The following STT3B variants were observed in gnomAD, a reference collection of about 807,000 sequenced individuals.
The protein encoded by STT3B is dolichyl-diphosphooligosaccharide--protein glycosyltransferase subunit STT3B.
Under a neutral mutation model 96.8 loss-of-function variants are expected in STT3B, and 29 were observed. The ratio of observed to expected loss-of-function variants is 0.30; its 90% CI spans 0.22 to 0.41. The LOEUF is 0.41. STT3B is among the 10% of genes least tolerant of loss of function. The pLI is 1.00. For synonymous variants in STT3B, 367 were observed against 360.0 expected (o/e 1.02, Z -0.22); for missense variants, 640 against 1,022.3 (o/e 0.63, Z 5.10).
chr3:31,583,673 A>G (rs574926900), intron 3 of STT3B, among the ~76,000 whole-genome samples: 1 of 152,332 alleles, frequency 6.6e-6, no homozygotes, highest in African/African-American at 2.4e-5. Flanking sequence ...TCTTTCTGCC[A>G]ATCTCTGTTT....
At chr3:31,603,544 G>C (rs1172126399) in intron 5 of STT3B, among the ~76,000 whole-genome samples, 2 of 152,016 alleles carry the variant, frequency 1.3e-5, no homozygotes, top group Non-Finnish European at 2.9e-5. Context: ...GTTTTAAAAG[G>C]AACACCCAAA....
At chr3:31,585,836 G>A (rs932291187) in intron 3 of STT3B, among the ~76,000 whole-genome samples, 3 of 151,998 alleles carry the variant, frequency 2.0e-5, no homozygotes, top group African/African-American at 7.2e-5. Flanking sequence ...TTTTATTGCT[G>A]AATAGTACTC....
chr3:31,549,142 T>C (rs1697488979), intron 1 of STT3B, among the ~76,000 whole-genome samples: 1 of 152,200 alleles, frequency 6.6e-6, no homozygotes, highest in Non-Finnish European at 1.5e-5. Context: ...TAAGTAACTT[T>C]ACCAAAGTCG....
At chr3:31,605,929 G>A (rs113688648) in intron 5 of STT3B, among the ~76,000 whole-genome samples, 34 of 152,332 alleles carry the variant, frequency 2.2e-4, no homozygotes, top group African/African-American at 8.2e-4. Flanking sequence ...TATGGACAAT[G>A]AAATCTAGGC....
chr3:31,585,018 T>C (rs1698504523), intron 3 of STT3B, among the ~76,000 whole-genome samples: 1 of 152,180 alleles, frequency 6.6e-6, no homozygotes, highest in African/African-American at 2.4e-5. Flanking sequence ...ATCTCTAATA[T>C]ATAAATGTTA....
At chr3:31,536,216 C>T (rs1697091485) in intron 1 of STT3B, among the ~76,000 whole-genome samples, 1 of 152,086 alleles carries the variant, frequency 6.6e-6, no homozygotes, top group Non-Finnish European at 1.5e-5. Flanking sequence ...GCTTTTAAAG[C>T]TTTTCGGGGC....
At chr3:31,617,101 G>A (rs760440613) in intron 7 of STT3B, 26 bp downstream of exon 7, 2 of 1,505,712 alleles carry the variant, frequency 1.3e-6, no homozygotes, top group Admixed American at 3.7e-5. Flanking sequence ...TGTAGGGTGT[G>A]AATATTGTCT....
At chr3:31,573,104 T>C (rs1575420899) in intron 1 of STT3B, among the ~76,000 whole-genome samples, 1 of 151,994 alleles carries the variant, frequency 6.6e-6, no homozygotes, top group East Asian at 1.9e-4. Context: ...TTAACGATCC[T>C]GTAACAGGAA....
intron 1 of STT3B, among the ~76,000 whole-genome samples, chr3:31,569,586 A>T (rs1486603543): frequency 6.6e-6 from 1 of 152,174 alleles, no homozygotes; most frequent in Non-Finnish European, 1.5e-5. Context: ...TATACTTAGC[A>T]ATTTTTTGTC....
At chr3:31,559,609 G>A (rs7622800) in intron 1 of STT3B, among the ~76,000 whole-genome samples, 3 of 151,694 alleles carry the variant, frequency 2.0e-5, no homozygotes, top group African/African-American at 7.3e-5. Flanking sequence ...CTTGTTTTGT[G>A]TTCTATTGTA....
At chr3:31,534,468 G>C (rs970898910) in intron 1 of STT3B, among the ~76,000 whole-genome samples, 3 of 152,102 alleles carry the variant, frequency 2.0e-5, no homozygotes, top group Non-Finnish European at 2.9e-5. Flanking sequence ...TTATTGACCT[G>C]TCAACCTTGA....
chr3:31,548,613 C>T (rs1056843443), intron 1 of STT3B, among the ~76,000 whole-genome samples: 2 of 152,104 alleles, frequency 1.3e-5, no homozygotes, highest in Non-Finnish European at 2.9e-5. Context: ...TATTGACCAC[C>T]TCTCCTCAAC....
At chr3:31,597,860 G>T (rs1698828132) in intron 4 of STT3B, among the ~76,000 whole-genome samples, 1 of 145,336 alleles carries the variant, frequency 6.9e-6, no homozygotes, top group African/African-American at 2.5e-5. Flanking sequence ...TTTTGAGACA[G>T]AGTCTGGCTC....
chr3:31,543,518 A>G (rs1404097897), intron 1 of STT3B, among the ~76,000 whole-genome samples: 2 of 152,190 alleles, frequency 1.3e-5, no homozygotes, highest in Non-Finnish European at 1.5e-5. Context: ...AATGGTAACC[A>G]CATTTTATGT....
At chr3:31,563,617 T>A (rs373681107) in intron 1 of STT3B, among the ~76,000 whole-genome samples, 1 of 152,184 alleles carries the variant, frequency 6.6e-6, no homozygotes, top group Admixed American at 6.5e-5. Context: ...AAAATCAGAA[T>A]GACAAGGAAT....
chr3:31,549,347 A>C (rs1438882485), intron 1 of STT3B, among the ~76,000 whole-genome samples: 2 of 151,804 alleles, frequency 1.3e-5, no homozygotes, highest in African/African-American at 4.8e-5. Context: ...TAAGTTGAGT[A>C]TTATACCACT....
At chr3:31,539,761 G>A (rs756358868) in intron 1 of STT3B, among the ~76,000 whole-genome samples, 1 of 152,146 alleles carries the variant, frequency 6.6e-6, no homozygotes, top group Non-Finnish European at 1.5e-5. Flanking sequence ...TCTGAAGAGA[G>A]TAGCTGAATG....
chr3:31,561,171 A>G (rs1697868471), intron 1 of STT3B, among the ~76,000 whole-genome samples: 2 of 150,342 alleles, frequency 1.3e-5, no homozygotes, highest in East Asian at 2.0e-4. Context: ...ATTTCTTTAT[A>G]TTGTTTTTCA....
At chr3:31,627,322 T>C (rs1272735290) in intron 13 of STT3B, among the ~76,000 whole-genome samples, 1 of 152,144 alleles carries the variant, frequency 6.6e-6, no homozygotes, top group South Asian at 2.1e-4. Context: ...ATGTTCCTTA[T>C]GAGAATCTAA....
Sources: allele counts gnomAD v4.1 joint callset (sites outside exome capture counted in the v4.1 genomes callset), GRCh38; gene constraint gnomAD v4.1.1; transcripts MANE v1.5; gene names NCBI Gene and HGNC (gene_info 2026-07-23, HGNC 2026-07-21).